The following CHRM5 variants were observed in gnomAD, a reference collection of about 807,000 sequenced individuals.
CHRM5 encodes muscarinic acetylcholine receptor M5.
A neutral mutation model predicts 39.0 loss-of-function variants in CHRM5; 18 were observed. The ratio of observed to expected loss-of-function variants is 0.46; its 90% confidence interval spans 0.32 to 0.68. The LOEUF (loss-of-function observed/expected upper bound fraction) is 0.68, where lower values mean the gene tolerates loss of function less well. Ranked by LOEUF, CHRM5 falls within the 30% of genes least tolerant of loss-of-function variation. CHRM5 has a pLI of 0.04. For missense variants in CHRM5, 515 were observed against 651.1 expected (o/e 0.79, Z 2.28); for synonymous variants, 241 against 246.3 (o/e 0.98, Z 0.20).
intron 2 of CHRM5, among the ~76,000 whole-genome samples, chr15:34,062,416 G>T (rs1396942836): frequency 6.6e-6 from 1 of 152,012 alleles, no homozygotes; most frequent in Non-Finnish European, 1.5e-5. Flanking sequence ...ATAGCTGGGC[G>T]TGGTGGTGGG....
intron 1 of CHRM5, among the ~76,000 whole-genome samples, chr15:34,004,140 GA>G (rs565390561): frequency 5.2e-4 from 79 of 152,274 alleles, no homozygotes; most frequent in African/African-American, 1.7e-3. Context: ...AATGCTCCTA[GA>G]AAAAAGCTAG....
chr15:33,982,410 A>C (rs1312516001), intron 1 of CHRM5, among the ~76,000 whole-genome samples: 1 of 152,174 alleles, frequency 6.6e-6, no homozygotes, highest in Non-Finnish European at 1.5e-5. Context: ...CAAAAATAAA[A>C]ATTAAAAAAG....
Position 34,063,455 on chromosome 15 carries a change from T to C in CHRM5, c.738T>C (p.His246=), listed in dbSNP as rs147186645. 51 of 1,613,798 alleles carry C rather than the reference T, an allele frequency of 3.2e-5. No homozygotes were observed. The highest frequency in any genetic ancestry group is 8.3e-5 in the Admixed American group (5 of 60,006). Residue 246 remains histidine, a synonymous_variant, in exon 3 of 3, where the codon CAT becomes CAC. Coordinates refer to ENST00000383263, the MANE Select transcript of CHRM5 (RefSeq NM_012125.4). This position sits in a 1 kb window ranked among gnomAD's most constrained non-coding sequence, Gnocchi z 4.1. ...AAGCTGAGAAGAGAAAGCCAGCTCA[T>C]AGGGCTCTGTTCAGATCCTGCTTGC... ...VTKAEKRKPA[H]RALFRSCLRC...
chr15:34,001,963 C>T (rs1457121752), intron 1 of CHRM5, among the ~76,000 whole-genome samples: 1 of 152,150 alleles, frequency 6.6e-6, no homozygotes, highest in African/African-American at 2.4e-5. Context: ...ACATCTGCAT[C>T]CTTTATATCT....
intron 1 of CHRM5, chr15:34,039,199 C>T (rs1899344616): frequency 4.9e-6 from 3 of 612,268 alleles, no homozygotes; most frequent in South Asian, 7.2e-5. Flanking sequence ...CGAGGCCGGC[C>T]GCAGCGGAGC....
chr15:34,026,969 G>C (rs1392873188), intron 1 of CHRM5, among the ~76,000 whole-genome samples: 2 of 151,982 alleles, frequency 1.3e-5, no homozygotes, highest in Non-Finnish European at 2.9e-5. Flanking sequence ...AACAATTAGA[G>C]ATGCCCAAGA....
intron 1 of CHRM5, among the ~76,000 whole-genome samples, chr15:34,011,612 G>A (rs1008262923): frequency 3.9e-5 from 6 of 152,148 alleles, no homozygotes; most frequent in African/African-American, 1.2e-4. Context: ...TATGGAAAAA[G>A]CAGAGGGGAA....
chr15:34,057,303 A>T (rs1461877223), intron 2 of CHRM5, among the ~76,000 whole-genome samples: 3 of 147,250 alleles, frequency 2.0e-5, no homozygotes. Context: ...CGCCCAGCTA[A>T]TTTTTTTTTT....
At chr15:34,052,110 C>G (rs1001003618) in intron 2 of CHRM5, among the ~76,000 whole-genome samples, 1 of 151,296 alleles carries the variant, frequency 6.6e-6, no homozygotes, top group Non-Finnish European at 1.5e-5. Flanking sequence ...GAAATACTGG[C>G]AAATGAAATC....
intron 2 of CHRM5, among the ~76,000 whole-genome samples, chr15:34,048,863 G>C (rs1282550842): frequency 1.3e-5 from 2 of 152,192 alleles, no homozygotes; most frequent in African/African-American, 2.4e-5. Context: ...TTGCTGTTTT[G>C]CATACCTGGT....
At chr15:34,003,097 T>C (rs747276591) in intron 1 of CHRM5, 1 of 1,613,928 alleles carries the variant, frequency 6.2e-7, no homozygotes, top group Non-Finnish European at 8.5e-7. Flanking sequence ...ATTATTGACC[T>C]CTTTTTCAAT....
intron 1 of CHRM5, among the ~76,000 whole-genome samples, chr15:34,005,225 T>C (rs1897293773): frequency 6.6e-6 from 1 of 152,152 alleles, no homozygotes; most frequent in African/African-American, 2.4e-5. Context: ...TCATATAACA[T>C]CCAGGCTAGT....
Position 34,043,246 on chromosome 15 carries a change from CAAAAAAAA to C in CHRM5, c.-407-3287_-407-3280del, listed in dbSNP as rs59481537. On this transcript the variant is annotated intron_variant, in intron 1 of 2. Transcript: ENST00000383263. ...TGGGCGACCGAGCAAGAATCCGTCT[CAAAAAAAA>C]AAAAAAGACTATGGATCTCATAGGC... is the stretch of plus-strand genomic sequence containing the variant. Among the ~76,000 whole-genome samples, 440 of 112,408 alleles carry C rather than the reference CAAAAAAAA, an allele frequency of 3.9e-3. 2 individuals carry two copies. The highest frequency in any genetic ancestry group is 0.014 in the African/African-American group (426 of 31,526). The allele number at this position is 112,408 out of a possible 152,430, so 73.7% of individuals were successfully genotyped here.
intron 1 of CHRM5, among the ~76,000 whole-genome samples, chr15:33,977,366 A>G (rs959888213): frequency 6.6e-6 from 1 of 152,214 alleles, no homozygotes; most frequent in Non-Finnish European, 1.5e-5. Context: ...GACAGATTCA[A>G]AACAAATCCT....
intron 1 of CHRM5, chr15:34,002,984 T>C (rs760876676): frequency 6.8e-7 from 1 of 1,469,058 alleles, no homozygotes; most frequent in African/African-American, 1.4e-5. Flanking sequence ...AAAATGTCTG[T>C]GCAACTTTCA....
intron 2 of CHRM5, among the ~76,000 whole-genome samples, chr15:34,059,578 C>T (rs1900269652): frequency 6.6e-6 from 1 of 152,152 alleles, no homozygotes; most frequent in East Asian, 1.9e-4. Flanking sequence ...TCCAGTTTCA[C>T]CTTTCACTTC....
intron 1 of CHRM5, among the ~76,000 whole-genome samples, chr15:34,038,322 A>G (rs892856148): frequency 6.6e-6 from 1 of 152,202 alleles, no homozygotes; most frequent in Non-Finnish European, 1.5e-5. Flanking sequence ...TTGCACAGAC[A>G]GTTAACAAAA....
chr15:34,010,077 TTAACA>T (rs1897570915), intron 1 of CHRM5, among the ~76,000 whole-genome samples: 1 of 151,992 alleles, frequency 6.6e-6, no homozygotes, highest in Admixed American at 6.6e-5. Context: ...AATAGAAAGT[TTAACA>T]ATAATAGTTA....
chr15:34,045,042 T>A (rs1899635700), intron 1 of CHRM5, among the ~76,000 whole-genome samples: 1 of 152,146 alleles, frequency 6.6e-6, no homozygotes, highest in South Asian at 2.1e-4. Flanking sequence ...AGCGAGACTC[T>A]GTCTCAAAAA....
Sources: gnomAD v4.1 joint callset for allele counts (sites outside exome capture counted in the v4.1 genomes callset) on GRCh38, gnomAD v4.1.1 for gene constraint, Gnocchi (gnomAD v3.1) non-coding constraint, MANE v1.5 for transcripts, NCBI Gene and HGNC (gene_info 2026-07-23, HGNC 2026-07-21) for gene names.